The following SLC9B2 variants were observed in gnomAD, a reference collection of about 807,000 sequenced individuals.
The protein encoded by SLC9B2 is sodium/hydrogen exchanger 9B2.
A neutral mutation model predicts 52.2 loss-of-function variants in SLC9B2; 39 were observed. That is an observed-to-expected ratio of 0.75 (90% CI 0.58 to 0.98). The LOEUF (loss-of-function observed/expected upper bound fraction) is 0.98, where lower values mean the gene tolerates loss of function less well. Ranked by LOEUF, SLC9B2 falls within the 50% of genes least tolerant of loss-of-function variation. SLC9B2 has a pLI of 0.00. For missense variants in SLC9B2, 626 were observed against 637.5 expected (o/e 0.98, Z 0.19); for synonymous variants, 214 against 227.0 (o/e 0.94, Z 0.51).
At chr4:103,076,143 C>G (rs2110683334) in intron 1 of SLC9B2, 41 bp downstream of exon 1, 1 of 152,430 alleles carries the variant, frequency 6.6e-6, no homozygotes, top group Admixed American at 6.5e-5. Flanking sequence ...GCCGCTGGCG[C>G]TGGGTTTATT....
At chr4:103,027,585 C>G (rs184335718) in intron 11 of SLC9B2, among the ~76,000 whole-genome samples, 8 of 152,152 alleles carry the variant, frequency 5.3e-5, no homozygotes, top group African/African-American at 1.9e-4. Flanking sequence ...ATCTGGTTAT[C>G]CCTTATTCCA....
At chr4:103,043,024 C>G (rs1743771222) in intron 9 of SLC9B2, among the ~76,000 whole-genome samples, 1 of 151,412 alleles carries the variant, frequency 6.6e-6, no homozygotes, top group African/African-American at 2.4e-5. Context: ...ACGTAAATAT[C>G]TATAAAATGC....
Position 103,066,326 on chromosome 4 carries a change from C to T in SLC9B2, c.271+1G>A. 6.2e-7 allele frequency: 1 copy of T among 1,608,596 alleles called. No homozygotes were observed. Among genetic ancestry groups the T allele is most frequent in the Non-Finnish European group, 8.5e-7 (1 of 1,176,948 alleles). On this transcript the variant is annotated splice_donor_variant, in intron 3 of 11. Transcript: ENST00000394785. LOFTEE classifies it high-confidence loss of function. ...CCATCTCTTTCTGAATTCATCCTTA[C>T]CATTTGTTATGACCCTGTCCAGTAA...
Position 103,057,887 on chromosome 4 carries a change from A to G in SLC9B2, c.356T>C (p.Ile119Thr), listed in dbSNP as rs768617920. 1 of 1,614,046 alleles carries G rather than the reference A, an allele frequency of 6.2e-7. No individual in the cohort carries two copies. Among genetic ancestry groups the G allele is most frequent in the Non-Finnish European group, 8.5e-7 (1 of 1,179,966 alleles). The change falls in exon 4 of 12, where the codon ATA becomes ACA. Residue 119 changes from isoleucine (I) to threonine (T), a missense_variant. Physicochemically the swap from Ile to Thr is moderately conservative, Grantham distance 89 (BLOSUM62 -1). Coordinates refer to ENST00000394785, the MANE Select transcript of SLC9B2 (RefSeq NM_178833.7). ...CLPGGNLFGIIILFYCAIIGG... is the reference protein window; with the variant it reads ...CLPGGNLFGITILFYCAIIGG... ...AATGATGGCACAATAGAATAGGATT[A>G]TAATTCCAAATAGGTTTCCTCCAGG...
chr4:103,047,084 A>C lies in SLC9B2; in HGVS notation c.856T>G (p.Phe286Val), dbSNP rs1744207632. ...AAGGCTATGCCCAAGCATGTGTTGA[A>C]GCCAGTGATGGCCAGAATGTCATCG... ...SFDDILAITG[F>V]NTCLGIAFST... The change falls in exon 7 of 12, where the codon TTC (phenylalanine) becomes GTC (valine). Residue 286 changes from phenylalanine to valine, a missense_variant. By Grantham distance (50) the Phe-to-Val change is conservative. Coordinates refer to ENST00000394785, the MANE Select transcript of SLC9B2 (RefSeq NM_178833.7). 3.1e-6 allele frequency: 5 copies of C among 1,614,046 alleles called. No homozygotes were observed. The highest frequency in any genetic ancestry group is 4.2e-6 in the Non-Finnish European group (5 of 1,179,950).
Position 103,028,793 on chromosome 4 carries a change from T to C in SLC9B2, c.1346A>G (p.Glu449Gly), listed in dbSNP as rs756170675. 1.2e-6 allele frequency: 2 copies of C among 1,609,940 alleles called. No homozygotes were observed. The highest frequency in any genetic ancestry group is 1.7e-6 in the Non-Finnish European group (2 of 1,178,648). The change falls in exon 11 of 12, where the codon GAA becomes GGA. Residue 449 changes from glutamate to glycine, a missense_variant. Glu to Gly is a moderately conservative substitution (Grantham distance 98, BLOSUM62 -2). Transcript: ENST00000394785. ...MVCFAGFNLKEKIFISFAWLP... is the reference protein window; with the variant it reads ...MVCFAGFNLKGKIFISFAWLP... ...CCATGCAAAAGAAATAAATATCTTT[T>C]CTTTTAAGTTAAAACCAGCAAAACA... is the stretch of plus-strand genomic sequence containing the variant.
At chr4:103,059,788 T>C (rs754930837) in intron 3 of SLC9B2, among the ~76,000 whole-genome samples, 3 of 152,208 alleles carry the variant, frequency 2.0e-5, no homozygotes, top group South Asian at 2.1e-4. Context: ...ATTCATGACA[T>C]AGAAACACTC....
chr4:103,034,541 G>A (rs950816211), intron 9 of SLC9B2, among the ~76,000 whole-genome samples: 1 of 152,044 alleles, frequency 6.6e-6, no homozygotes, highest in Non-Finnish European at 1.5e-5. Flanking sequence ...GAAAATATCT[G>A]CAAACCATGC....
At chr4:103,020,008 T>C, downstream of SLC9B2, 1 of 835,264 alleles carries the variant, frequency 1.2e-6, no homozygotes, top group African/African-American at 1.9e-5. Flanking sequence ...TAAAGTCAGC[T>C]TAAAGTGCAA....
intron 9 of SLC9B2, among the ~76,000 whole-genome samples, chr4:103,037,796 C>T (rs1245573085): frequency 2.0e-5 from 3 of 151,950 alleles, no homozygotes; most frequent in Non-Finnish European, 4.4e-5. Flanking sequence ...AGTTAACATC[C>T]TTCCACATAT....
In SLC9B2 at chr4:103,026,261, A is replaced by C; in HGVS notation, c.*109T>G. 9.8e-7 allele frequency: 1 copy of C among 1,018,346 alleles called. No homozygotes were observed. Among genetic ancestry groups the C allele is most frequent in the Non-Finnish European group, 1.4e-6 (1 of 696,762 alleles). The allele number at this position is 1,018,346 out of a possible 1,614,324, so 63.1% of individuals were successfully genotyped here. ...AAATGCTGTTTAAAGAAACAGCTAC[A>C]CTTTTGGTTCTATTACATTTTAAGC... On this transcript the variant is annotated 3_prime_UTR_variant, in exon 12 of 12. Coordinates refer to ENST00000394785, the MANE Select transcript of SLC9B2 (RefSeq NM_178833.7).
chr4:103,066,247 G>C, intron 3 of SLC9B2, 80 bp downstream of exon 3: 1 of 1,474,316 alleles, frequency 6.8e-7, no homozygotes, highest in Non-Finnish European at 9.2e-7. Context: ...ACTTCTTTTT[G>C]TCCTTTCAAC....
Position 103,031,780 on chromosome 4 carries a change from G to C in SLC9B2, c.1175C>G (p.Ala392Gly). 1 of 1,612,572 alleles carries C rather than the reference G, an allele frequency of 6.2e-7. No individual in the cohort carries two copies. Among genetic ancestry groups the C allele is most frequent in the Non-Finnish European group, 8.5e-7 (1 of 1,179,138 alleles). Residue 392 changes from alanine to glycine, a missense_variant, in exon 10 of 12, where the codon GCC becomes GGC. Physicochemically the swap from Ala to Gly is moderately conservative, Grantham distance 60. Coordinates refer to ENST00000394785, the MANE Select transcript of SLC9B2 (RefSeq NM_178833.7). The part of the protein sequence containing the change: ...KAEVEKIIAV[A>G]WDIFQPLLFG... ...AAGAAGGGGCTGAAAAATGTCCCAG[G>C]CAACTGCAATTATCTTTTCAACCTC...
upstream of SLC9B2, chr4:103,076,967 C>A (rs1747241112): frequency 6.6e-6 from 1 of 152,208 alleles, no homozygotes; most frequent in Non-Finnish European, 1.5e-5. Context: ...ATTAAATGGC[C>A]GGATAAAAGA....
chr4:103,028,415 G>A (rs1463318233), intron 11 of SLC9B2, among the ~76,000 whole-genome samples: 1 of 152,066 alleles, frequency 6.6e-6, no homozygotes, highest in Non-Finnish European at 1.5e-5. Flanking sequence ...CTATTAACAT[G>A]AAAAGAGTTA....
chr4:103,056,839 T>C (rs1255907982), intron 4 of SLC9B2, among the ~76,000 whole-genome samples: 1 of 152,202 alleles, frequency 6.6e-6, no homozygotes, highest in Non-Finnish European at 1.5e-5. Context: ...AATGGTTGCA[T>C]ACTATCTGAT....
At chr4:103,050,164 T>C in intron 5 of SLC9B2, 76 bp downstream of exon 5, 1 of 1,299,606 alleles carries the variant, frequency 7.7e-7, no homozygotes, top group Non-Finnish European at 1.0e-6. Flanking sequence ...TCCTAATGCT[T>C]AGTGATTCTG....
intron 9 of SLC9B2, among the ~76,000 whole-genome samples, chr4:103,034,211 C>T (rs1004176387): frequency 6.6e-6 from 1 of 152,092 alleles, no homozygotes; most frequent in African/African-American, 2.4e-5. Context: ...TGGTAAAGGA[C>T]CCCCTATTCA....
chr4:103,063,309 C>T (rs1043374798), intron 3 of SLC9B2, among the ~76,000 whole-genome samples: 6 of 152,134 alleles, frequency 3.9e-5, no homozygotes, highest in Admixed American at 3.9e-4. Context: ...AGATTTTCTT[C>T]CATGCTTAGT....
Sources: gnomAD v4.1 joint callset for allele counts (sites outside exome capture counted in the v4.1 genomes callset) on GRCh38, gnomAD v4.1.1 for gene constraint, MANE v1.5 for transcripts, NCBI Gene and HGNC (gene_info 2026-07-23, HGNC 2026-07-21) for gene names.